Variants in TNNI3K observed in about 807,000 individuals in gnomAD.
TNNI3K encodes the protein TNNI3 interacting kinase.
Under a neutral mutation model 114.5 loss-of-function variants are expected in TNNI3K, and 140 were observed. That is an observed-to-expected ratio of 1.22 (90% confidence interval 1.07 to 1.41). The LOEUF (loss-of-function observed/expected upper bound fraction) is 1.41. Ranked by LOEUF, TNNI3K falls within the 40% of genes most tolerant of loss-of-function variation. The pLI is 0.00. For synonymous variants in TNNI3K, 347 were observed against 347.5 expected (o/e 1.00, Z 0.02); for missense variants, 1,125 against 1,007.6 (o/e 1.12, Z -1.58).
chr1:74,337,837 A>T (rs1660554477), intron 7 of TNNI3K, among the ~76,000 whole-genome samples: 1 of 152,116 alleles, frequency 6.6e-6, no homozygotes, highest in Non-Finnish European at 1.5e-5. Context: ...CTTTTGCTCA[A>T]CAAGATGATT....
chr1:74,469,144 G>C (rs1292291595), intron 21 of TNNI3K: 1 of 152,518 alleles, frequency 6.6e-6, no homozygotes, highest in Non-Finnish European at 1.5e-5. Flanking sequence ...AGGATCCATT[G>C]TGTCGATCTT....
rs140193670 is a variant in TNNI3K, at chr1:74,295,201, A to G, written c.444+23493A>G. 3.0e-3 allele frequency among the ~76,000 whole-genome samples: 456 copies of G among 152,062 alleles called. 7 individuals carry two copies. Among genetic ancestry groups the G allele is most frequent in the Middle Eastern group, 3.4e-3 (1 of 294 alleles). ...TTATTTTTTTACTTTGATTTGCAGT[A>G]TAATTGCATTATGCTCAGAAATTAT... On this transcript the variant is annotated intron_variant, in intron 5 of 24. Transcript: ENST00000326637.
At chr1:74,333,246 G>A (rs186105899) in intron 6 of TNNI3K, among the ~76,000 whole-genome samples, 13 of 152,332 alleles carry the variant, frequency 8.5e-5, no homozygotes, top group Admixed American at 8.5e-4. Context: ...TCTAAGACCT[G>A]TGAAGCGTGA....
intron 10 of TNNI3K, among the ~76,000 whole-genome samples, chr1:74,353,678 G>C (rs973466427): frequency 1.5e-4 from 22 of 149,034 alleles, no homozygotes; most frequent in Admixed American, 1.1e-3. Flanking sequence ...ATGGGTCTTT[G>C]TTCCTTTATT....
chr1:74,438,887 A>G (rs1442694158), intron 19 of TNNI3K, among the ~76,000 whole-genome samples: 1 of 152,120 alleles, frequency 6.6e-6, no homozygotes, highest in Admixed American at 6.6e-5. Flanking sequence ...CTGGGCAGAG[A>G]AAGTAAGACA....
chr1:74,416,565 C>G, intron 17 of TNNI3K: 1 of 985,222 alleles, frequency 1.0e-6, no homozygotes, highest in Non-Finnish European at 1.2e-6. Context: ...TTGCATTCCC[C>G]TGATAAAAAG....
In TNNI3K at chr1:74,317,317, G is replaced by T. The variant is rs74605889; in HGVS notation, c.445-14133G>T. On this transcript the variant is annotated intron_variant, in intron 5 of 24. Coordinates refer to ENST00000326637, the MANE Select transcript of TNNI3K (RefSeq NM_015978.3). ...AAGAGAGGAAGAAATAATAATTATA[G>T]TATTAGCTGTAGTAGTAACAATTAC... Among the ~76,000 whole-genome samples the T allele has an allele frequency of 6.2e-3, 948 of 152,282 alleles. 10 individuals are homozygous for T. The highest frequency in any genetic ancestry group is 0.022 in the African/African-American group (905 of 41,552).
chr1:74,412,505 T>C (rs1397995547), intron 17 of TNNI3K, among the ~76,000 whole-genome samples: 1 of 152,014 alleles, frequency 6.6e-6, no homozygotes, highest in East Asian at 1.9e-4. Flanking sequence ...GCAGCCAGAG[T>C]AGGAGGTTGC....
intron 23 of TNNI3K, among the ~76,000 whole-genome samples, chr1:74,511,417 C>T (rs1280429320): frequency 5.9e-5 from 9 of 152,070 alleles, no homozygotes; most frequent in African/African-American, 1.2e-4. Flanking sequence ...CTCCTGGTCT[C>T]GAACTCCTGA....
intron 21 of TNNI3K, among the ~76,000 whole-genome samples, chr1:74,476,023 T>G (rs946044883): frequency 8.5e-5 from 13 of 152,236 alleles, no homozygotes; most frequent in African/African-American, 3.1e-4. Flanking sequence ...CTATTAAAAA[T>G]TATAAGAAAC....
Position 74,493,963 on chromosome 1 carries a change from G to T in TNNI3K, c.2351+1697G>T, listed in dbSNP as rs945932750. Among the ~76,000 whole-genome samples the T allele has an allele frequency of 2.0e-5, 3 of 152,210 alleles. No homozygotes were observed. The South Asian group carries it at 6.2e-4, about 32-fold the overall frequency. ...CAAAAGGCATGGGTAACTGGAGTGG[G>T]AATGGGGTCATAGTTCATTAATATA... is the stretch of plus-strand genomic sequence containing the variant. On this transcript the variant is annotated intron_variant, in intron 23 of 24. Coordinates refer to ENST00000326637, the MANE Select transcript of TNNI3K (RefSeq NM_015978.3).
At chr1:74,421,176 C>T (rs930870430) in intron 17 of TNNI3K, among the ~76,000 whole-genome samples, 5 of 152,128 alleles carry the variant, frequency 3.3e-5, no homozygotes, top group Admixed American at 6.6e-5. Flanking sequence ...TGATATTTGA[C>T]AAGCCCCAGA....
At chr1:74,431,753 G>T (rs913258896) in intron 17 of TNNI3K, among the ~76,000 whole-genome samples, 1 of 152,134 alleles carries the variant, frequency 6.6e-6, no homozygotes, top group Non-Finnish European at 1.5e-5. Context: ...CTTCTGAGCT[G>T]CTGACACTGC....
intron 5 of TNNI3K, among the ~76,000 whole-genome samples, chr1:74,304,026 T>G (rs776356391): frequency 7.9e-5 from 12 of 152,236 alleles, no homozygotes; most frequent in Non-Finnish European, 1.5e-4. Flanking sequence ...GGAATTCTTC[T>G]TATGGATGAA....
chr1:74,357,450 C>T (rs1446025122), intron 11 of TNNI3K, among the ~76,000 whole-genome samples: 1 of 152,100 alleles, frequency 6.6e-6, no homozygotes. Flanking sequence ...TTCACCTGAC[C>T]CAAGCTAAAT....
intron 23 of TNNI3K, among the ~76,000 whole-genome samples, chr1:74,506,115 G>T (rs532588684): frequency 2.4e-4 from 36 of 152,172 alleles, no homozygotes; most frequent in Non-Finnish European, 4.4e-4. Context: ...AGATAATATT[G>T]CCATGTGCAC....
chr1:74,409,520 G>T (rs1664781525), intron 17 of TNNI3K, among the ~76,000 whole-genome samples: 1 of 142,428 alleles, frequency 7.0e-6, no homozygotes, highest in South Asian at 2.2e-4. Flanking sequence ...TTGAGATGGG[G>T]TCTCACTCTG....
chr1:74,433,444 T>A (rs1665983115), intron 17 of TNNI3K, among the ~76,000 whole-genome samples: 1 of 152,104 alleles, frequency 6.6e-6, no homozygotes, highest in Non-Finnish European at 1.5e-5. Flanking sequence ...TGTGAAAGAA[T>A]CTTAGAGATG....
rs202214337 is a variant in TNNI3K, at chr1:74,271,668, T to C, written c.404T>C (p.Leu135Pro). ...ATACAGCAGGTTGGATACGGTGGCCTCACTGCCCTCCATATTGCTACAATA... is the reference window on the plus strand; with the variant it reads ...ATACAGCAGGTTGGATACGGTGGCCCCACTGCCCTCCATATTGCTACAATA... ...ADIQQVGYGG[L>P]TALHIATIAG... Residue 135 changes from leucine to proline, a missense_variant, in exon 5 of 25, where the codon CTC becomes CCC. Coordinates refer to ENST00000326637, the MANE Select transcript of TNNI3K (RefSeq NM_015978.3). 23 of 1,609,328 alleles carry C rather than the reference T, an allele frequency of 1.4e-5. No individual in the cohort carries two copies. The highest frequency in any genetic ancestry group is 2.0e-5 in the Non-Finnish European group (23 of 1,177,246).
Sources: allele counts gnomAD v4.1 joint callset (sites outside exome capture counted in the v4.1 genomes callset), GRCh38; gene constraint gnomAD v4.1.1; transcripts MANE v1.5; gene names NCBI Gene and HGNC (gene_info 2026-07-23, HGNC 2026-07-21).